The following URI1 variants were observed in gnomAD, a reference collection of about 807,000 sequenced individuals.
URI1 encodes the protein unconventional prefoldin RPB5 interactor 1.
A neutral mutation model predicts 60.2 loss-of-function variants in URI1; 39 were observed. That is an observed-to-expected ratio of 0.65 (90% CI 0.50 to 0.85). The LOEUF is 0.85. Among genes scored for constraint, URI1 ranks in the 40% least tolerant of loss-of-function variants. The pLI, the probability that URI1 is intolerant of heterozygous loss-of-function variation, is 0.00. For synonymous variants in URI1, 251 were observed against 236.8 expected (o/e 1.06, Z -0.55); for missense variants, 691 against 665.9 (o/e 1.04, Z -0.42).
intron 2 of URI1, among the ~76,000 whole-genome samples, chr19:29,981,840 T>A (rs2055601666): frequency 6.6e-6 from 1 of 152,130 alleles, no homozygotes; most frequent in African/African-American, 2.4e-5. Context: ...GACTCCTGTG[T>A]CCAAAAATTA....
rs1284531509 is a variant in URI1, at chr19:29,942,338, G to GGGC, written c.-198_-196dup. 61 of 984,848 alleles carry GGGC rather than the reference G, an allele frequency of 6.2e-5. 1 individual carries two copies. The highest frequency in any genetic ancestry group is 3.1e-4 in the Admixed American group (5 of 16,122). 61.0% of individuals were successfully genotyped at this position (984,848 alleles called of 1,614,324 possible). ...GGCCTGCTACTCGGAGCCCGCTGCG[G>GGGC]GGCGGCGGCGGCGGGGACATGCACG... On this transcript the variant is annotated 5_prime_UTR_variant, in exon 1 of 11. Transcript: ENST00000392271.
At chr19:29,936,420 G>A (rs2054973258) in intron 1 of URI1, among the ~76,000 whole-genome samples, 1 of 152,104 alleles carries the variant, frequency 6.6e-6, no homozygotes, top group African/African-American at 2.4e-5. Flanking sequence ...GGTTTCTGAT[G>A]AAAGCTTAGC....
chr19:29,992,668 T>A (rs188381665), intron 4 of URI1, among the ~76,000 whole-genome samples: 22 of 152,374 alleles, frequency 1.4e-4, no homozygotes, highest in Non-Finnish European at 2.4e-4. Flanking sequence ...TTACTCTAAA[T>A]ACTTGCTTTG....
chr19:29,964,763 G>A (rs529899574), intron 1 of URI1, among the ~76,000 whole-genome samples: 2 of 151,942 alleles, frequency 1.3e-5, no homozygotes, highest in East Asian at 1.9e-4. Context: ...CACCCGGCCA[G>A]TGGTGTTTAA....
At chr19:29,990,954 T>C (rs980109968) in intron 4 of URI1, among the ~76,000 whole-genome samples, 1 of 152,226 alleles carries the variant, frequency 6.6e-6, no homozygotes, top group African/African-American at 2.4e-5. Context: ...TGTTTCTTTA[T>C]CTATGTGTCT....
chr19:30,007,731 C>G (rs2055963177), intron 7 of URI1, 93 bp downstream of exon 7: 3 of 1,153,484 alleles, frequency 2.6e-6, no homozygotes, highest in Non-Finnish European at 3.6e-6. Flanking sequence ...AATATGTGTT[C>G]ATTGAAGAAA....
chr19:29,942,504 C>T lies in URI1; in HGVS notation c.-44C>T. The T allele has an allele frequency of 3.3e-6, 4 of 1,203,464 alleles. No individual in the cohort carries two copies. The highest frequency in any genetic ancestry group is 3.2e-5 in the South Asian group (1 of 31,122). The allele number at this position is 1,203,464 out of a possible 1,614,324, so 74.5% of individuals were successfully genotyped here. On this transcript the variant is annotated 5_prime_UTR_variant, in exon 1 of 11. Transcript: ENST00000392271. ...GCCGGCCGCGCCGCCTGCGCAGGCGCTGGTTCAGGACTCACACGCCGCGCT... is the reference window on the plus strand; with the variant it reads ...GCCGGCCGCGCCGCCTGCGCAGGCGTTGGTTCAGGACTCACACGCCGCGCT...
chr19:29,936,561 G>C (rs1022053487), intron 1 of URI1, among the ~76,000 whole-genome samples: 2 of 152,046 alleles, frequency 1.3e-5, no homozygotes, highest in Non-Finnish European at 2.9e-5. Flanking sequence ...AGTTTCTCGC[G>C]CTTGTAATTT....
chr19:29,956,071 A>G (rs1224993761), intron 1 of URI1, among the ~76,000 whole-genome samples: 9 of 141,894 alleles, frequency 6.3e-5, no homozygotes, highest in Non-Finnish European at 4.6e-5. Flanking sequence ...TGCAACCTCC[A>G]CATCCTGGGT....
At chr19:29,939,533 C>CA (rs1462192910), upstream of URI1, among the ~76,000 whole-genome samples, 2 of 152,148 alleles carry the variant, frequency 1.3e-5, no homozygotes, top group Non-Finnish European at 2.9e-5. Flanking sequence ...CTCCACCTCC[C>CA]AAAGTGCTGG....
chr19:29,969,908 G>A (rs1383880152), intron 1 of URI1, among the ~76,000 whole-genome samples: 1 of 152,028 alleles, frequency 6.6e-6, no homozygotes, highest in Non-Finnish European at 1.5e-5. Context: ...CTGTTATTAA[G>A]TGTTGCTATG....
rs35040318 is a variant in URI1, at chr19:29,926,233, C to CTCCTTCCTTCCT, written c.63+2520_63+2531dup. Among the ~76,000 whole-genome samples the CTCCTTCCTTCCT allele has an allele frequency of 3.2e-3, 427 of 131,666 alleles. 4 individuals are homozygous for CTCCTTCCTTCCT. The highest frequency in any genetic ancestry group is 5.6e-3 in the South Asian group (20 of 3,602). 86.4% of individuals were successfully genotyped at this position (131,666 alleles called of 152,430 possible). ...AAAAATCTTCTCTCTTTCTTCCTCT[C>CTCCTTCCTTCCT]TCCTTCCTTCCTTCCTTCCTTCCTT... On this transcript the variant is annotated intron_variant, in intron 1 of 10. Transcript: ENST00000360605.
intron 4 of URI1, among the ~76,000 whole-genome samples, chr19:29,999,369 C>T (rs1025131904): frequency 4.6e-5 from 7 of 152,066 alleles, no homozygotes; most frequent in Admixed American, 2.6e-4. Context: ...GTGAGGAATG[C>T]CCTCAACTCT....
intron 8 of URI1, 88 bp from the exon 9 acceptor site, chr19:30,011,006 A>AT (rs1349546600): frequency 1.1e-5 from 16 of 1,426,468 alleles, no homozygotes; most frequent in East Asian, 2.5e-5. Flanking sequence ...TCTTACTATT[A>AT]TTTTTTTAGT....
At chr19:29,946,393 C>T (rs1170891477) in intron 1 of URI1, among the ~76,000 whole-genome samples, 1 of 152,098 alleles carries the variant, frequency 6.6e-6, no homozygotes, top group Non-Finnish European at 1.5e-5. Context: ...TGTATTTTAT[C>T]TCTAGATACT....
intron 8 of URI1, among the ~76,000 whole-genome samples, chr19:30,010,791 A>G (rs1453016325): frequency 6.6e-6 from 1 of 152,184 alleles, no homozygotes; most frequent in South Asian, 2.1e-4. Flanking sequence ...TATCAAAGGA[A>G]TGGGGTGATG....
chr19:29,990,469 A>G (rs2055732839), intron 4 of URI1, among the ~76,000 whole-genome samples: 1 of 152,264 alleles, frequency 6.6e-6, no homozygotes. Context: ...AGCACTGCTT[A>G]TAGTAGCCGA....
Position 30,007,574 on chromosome 19 carries a change from A to G in URI1, c.622A>G (p.Lys208Glu). Residue 208 changes from lysine (K) to glutamate (E), a missense_variant, in exon 7 of 11, where the codon AAA becomes GAA. Coordinates refer to ENST00000392271, the MANE Select transcript of URI1 (RefSeq NM_003796.3). ...GAAATCCAAGGATTTGCTAGCTGAT[A>G]AAGAACTGTGGGCTCGACTTGAAGA... ...DVKSKDLLAD[K>E]ELWARLEELE... The G allele has an allele frequency of 6.2e-7, 1 of 1,613,480 alleles. No individual in the cohort carries two copies. The highest frequency in any genetic ancestry group is 1.1e-5 in the South Asian group (1 of 91,038).
At chr19:29,935,569 A>T (rs1412972536) in intron 1 of URI1, among the ~76,000 whole-genome samples, 1 of 151,636 alleles carries the variant, frequency 6.6e-6, no homozygotes, top group African/African-American at 2.4e-5. Flanking sequence ...TGATGGATTC[A>T]TTTTAGCAGC....
Sources: allele counts gnomAD v4.1 joint callset (sites outside exome capture counted in the v4.1 genomes callset), GRCh38; gene constraint gnomAD v4.1.1; transcripts MANE v1.5; gene names NCBI Gene and HGNC (gene_info 2026-07-23, HGNC 2026-07-21).